The following MMP17 variants were observed in gnomAD, a reference collection of about 807,000 sequenced individuals.
MMP17 encodes the protein matrix metalloproteinase-17.
MMP17 carries 54 observed loss-of-function variants against 49.1 expected under a neutral mutation model. That is an observed-to-expected ratio of 1.10 (90% CI 0.88 to 1.38). The LOEUF (loss-of-function observed/expected upper bound fraction) is 1.38. MMP17 is among the 40% of genes most tolerant of loss of function. The pLI is 0.00. For synonymous variants in MMP17, 397 were observed against 383.1 expected (o/e 1.04, Z -0.42); for missense variants, 837 against 853.7 (o/e 0.98, Z 0.24).
At position 131,840,870 on chromosome 12, in the gene MMP17, A is replaced by T; in HGVS notation, c.706+14A>T. On this transcript the variant is annotated intron_variant, in intron 4 of 9. Coordinates refer to ENST00000360564, the MANE Select transcript of MMP17 (RefSeq NM_016155.7). ...TCCGCTCCTCGGGTGCGTCTGGGGCAGCCCTCAGGGCAGAGTCAGGAGCCC... is the reference window on the plus strand; with the variant it reads ...TCCGCTCCTCGGGTGCGTCTGGGGCTGCCCTCAGGGCAGAGTCAGGAGCCC... 6.3e-7 allele frequency: 1 copy of T among 1,578,888 alleles called. No individual in the cohort carries two copies. Among genetic ancestry groups the T allele is most frequent in the Non-Finnish European group, 8.6e-7 (1 of 1,163,620 alleles).
chr12:131,850,605 G>A (rs1187503598), intron 9 of MMP17, among the ~76,000 whole-genome samples: 1 of 152,090 alleles, frequency 6.6e-6, no homozygotes, highest in Admixed American at 6.6e-5. Flanking sequence ...GGGTCTCCTG[G>A]TCCATCCCCT....
rs766053605 is a variant in MMP17 at position 131,838,683 on chromosome 12, C to T, written c.364C>T (p.Arg122Cys). 14 of 1,607,916 alleles carry T rather than the reference C, an allele frequency of 8.7e-6. No homozygotes were observed. The highest frequency in any genetic ancestry group is 2.2e-5 in the East Asian group (1 of 44,706). The change falls in exon 3 of 10, where the codon CGC (arginine) becomes TGC (cysteine). Residue 122 changes from arginine (R) to cysteine (C), a missense_variant. By Grantham distance (180) the Arg-to-Cys change is radical (BLOSUM62 -3). Transcript: ENST00000360564. ...LPDLPVLTQA[R>C]RRRQAPAPTK... ...AGACCTCCCTGTCCTGACCCAGGCT[C>T]GCAGGAGACGCCAGGCTCCAGCCCC...
At chr12:131,839,008 G>C (rs1265849493) in intron 3 of MMP17, among the ~76,000 whole-genome samples, 1 of 152,190 alleles carries the variant, frequency 6.6e-6, no homozygotes, top group Non-Finnish European at 1.5e-5. Context: ...GCCTGCTGTA[G>C]ATATCCACAA....
Position 131,849,924 on chromosome 12 carries a change from A to G in MMP17, c.1327A>G (p.Thr443Ala). The G allele has an allele frequency of 6.2e-7, 1 of 1,613,974 alleles. No homozygotes were observed. The highest frequency in any genetic ancestry group is 8.5e-7 in the Non-Finnish European group (1 of 1,179,988). Reference protein sequence around the residue: ...AAFSWAHNDRTYFFKDQLYWR... With the variant: ...AAFSWAHNDRAYFFKDQLYWR... ...CTTCTCCTGGGCCCACAATGACAGGACTTATTTCTTTAAGGACCAGCTGTA... is the reference window on the plus strand; with the variant it reads ...CTTCTCCTGGGCCCACAATGACAGGGCTTATTTCTTTAAGGACCAGCTGTA... The change falls in exon 9 of 10, where the codon ACT becomes GCT. Residue 443 changes from threonine to alanine, a missense_variant. Physicochemically the swap from Thr to Ala is moderately conservative, Grantham distance 58. Transcript: ENST00000360564.
At chr12:131,836,246 G>C (rs534834127) in intron 1 of MMP17, among the ~76,000 whole-genome samples, 1 of 152,116 alleles carries the variant, frequency 6.6e-6, no homozygotes, top group Non-Finnish European at 1.5e-5. Context: ...GGGGGATCTC[G>C]GGGTGTGCAG....
At position 131,841,799 on chromosome 12, in the gene MMP17, C is replaced by T. The variant is rs199853887; in HGVS notation, c.882C>T (p.Tyr294=). The T allele has an allele frequency of 4.2e-5, 67 of 1,584,112 alleles. No individual in the cohort carries two copies. The Middle Eastern group carries it at 6.2e-4, about 15-fold the overall frequency. The change falls in exon 5 of 10, where the codon TAC becomes TAT. Residue 294 remains tyrosine (Y), a splice_region_variant and synonymous_variant. Coordinates refer to ENST00000360564, the MANE Select transcript of MMP17 (RefSeq NM_016155.7). ...YEDKVRVWQL[Y]GVRESVSPTA... ...ACAAGGTGCGCGTCTGGCAGCTGTA[C>T]GGTGAGTGTCTCCCCGAAGCCAGAC...
Position 131,840,601 on chromosome 12 carries a change from C to G in MMP17, c.451C>G (p.Leu151Val), listed in dbSNP as rs981770403. The G allele has an allele frequency of 1.2e-6, 2 of 1,600,930 alleles. No homozygotes were observed. The highest frequency in any genetic ancestry group is 2.7e-5 in the African/African-American group (2 of 74,802). ...CCGGACGTTCCCACGGGACTCACCA[C>G]TGGGGCACGACACGGTGCGTGCACT... Reference protein sequence around the residue: ...RVRTFPRDSPLGHDTVRALMY... With the variant: ...RVRTFPRDSPVGHDTVRALMY... The change falls in exon 4 of 10, where the codon CTG (leucine) becomes GTG (valine). Residue 151 changes from leucine (L) to valine (V), a missense_variant. Transcript: ENST00000360564.
In MMP17 at chr12:131,845,302, T is replaced by C. The variant is rs768975176; in HGVS notation, c.1057T>C (p.Tyr353His). Residue 353 changes from tyrosine (Y) to histidine (H), a missense_variant, in exon 8 of 10, where the codon TAC becomes CAC. Physicochemically the swap from Tyr to His is moderately conservative, Grantham distance 83 (BLOSUM62 2). Coordinates refer to ENST00000360564, the MANE Select transcript of MMP17 (RefSeq NM_016155.7). ...RGEAFFFKGKYFWRLTRDRHL... is the reference protein window; with the variant it reads ...RGEAFFFKGKHFWRLTRDRHL... ...CCTCCCCTCTGTGCCCCCAGGCAAG[T>C]ACTTCTGGCGGCTGACGCGGGACCG... is the stretch of plus-strand genomic sequence containing the variant. 1.2e-6 allele frequency: 2 copies of C among 1,608,846 alleles called. No individual in the cohort carries two copies. The highest frequency in any genetic ancestry group is 1.7e-6 in the Non-Finnish European group (2 of 1,176,294).
chr12:131,828,553 G>GGCTGCCGCT lies in MMP17; in HGVS notation c.62_70dup (p.Leu21_Leu23dup), dbSNP rs71072797. On this transcript the variant is annotated inframe_insertion, in exon 1 of 10. Transcript: ENST00000360564. The stretch of plus-strand genomic sequence containing the variant: ...CCGCCCCCAGGGCCCGGACTCTCGC[G>GGCTGCCGCT]GCTGCCGCTGCCGCTGCTGCTGCTG... 889,112 of 972,944 alleles carry GGCTGCCGCT rather than the reference G, an allele frequency of 0.91. 404,065 individuals carry two copies. Among genetic ancestry groups the GGCTGCCGCT allele is most frequent in the East Asian group, 0.95 (9,413 of 9,910 alleles). 60.3% of individuals were successfully genotyped at this position (972,944 alleles called of 1,614,324 possible).
intron 5 of MMP17, among the ~76,000 whole-genome samples, chr12:131,843,410 T>C (rs1887525311): frequency 6.6e-6 from 1 of 151,652 alleles, no homozygotes; most frequent in African/African-American, 2.4e-5. Flanking sequence ...CACACCTGGC[T>C]AATTTTTAGA....
At chr12:131,834,559 G>A (rs564025503) in intron 1 of MMP17, among the ~76,000 whole-genome samples, 85 of 152,166 alleles carry the variant, frequency 5.6e-4, no homozygotes, top group African/African-American at 2.0e-3. Context: ...GGGAGTCTGG[G>A]CCCCCACCCC....
At chr12:131,832,278 C>T (rs181391777) in intron 1 of MMP17, among the ~76,000 whole-genome samples, 5 of 21,872 alleles carry the variant, frequency 2.3e-4, no homozygotes, top group African/African-American at 8.1e-4. Context: ...CTGGGGGGGA[C>T]GGGAAGGGGG....
intron 5 of MMP17, among the ~76,000 whole-genome samples, chr12:131,842,114 A>C (rs1389402291): frequency 6.6e-6 from 1 of 152,226 alleles, no homozygotes; most frequent in Non-Finnish European, 1.5e-5. Context: ...CATATAAGGT[A>C]GGACTACTGT....
chr12:131,840,640 C>T lies in MMP17; in HGVS notation c.490C>T (p.Leu164Phe), dbSNP rs371160918. Residue 164 changes from leucine to phenylalanine, a missense_variant, in exon 4 of 10, where the codon CTC (leucine) becomes TTC (phenylalanine). Physicochemically the swap from Leu to Phe is conservative, Grantham distance 22. Coordinates refer to ENST00000360564, the MANE Select transcript of MMP17 (RefSeq NM_016155.7). ...DTVRALMYYA[L>F]KVWSDIAPLN... ...GGTGCGTGCACTCATGTACTACGCCCTCAAGGTCTGGAGCGACATTGCGCC... is the reference window on the plus strand; with the variant it reads ...GGTGCGTGCACTCATGTACTACGCCTTCAAGGTCTGGAGCGACATTGCGCC... The T allele has an allele frequency of 3.9e-5, 63 of 1,609,290 alleles. No individual in the cohort carries two copies. Among genetic ancestry groups the T allele is most frequent in the Non-Finnish European group, 5.2e-5 (61 of 1,179,950 alleles).
intron 1 of MMP17, among the ~76,000 whole-genome samples, chr12:131,833,743 G>A (rs1007560047): frequency 7.9e-5 from 12 of 152,222 alleles, no homozygotes; most frequent in East Asian, 1.9e-4. Flanking sequence ...GAGTATGGGG[G>A]TCGGGCCCTC....
chr12:131,843,408 G>C (rs1887525208), intron 5 of MMP17, among the ~76,000 whole-genome samples: 1 of 151,280 alleles, frequency 6.6e-6, no homozygotes, highest in African/African-American at 2.4e-5. Context: ...ATCACACCTG[G>C]CTAATTTTTA....
intron 5 of MMP17, among the ~76,000 whole-genome samples, chr12:131,843,258 A>ATG (rs1887515262): frequency 7.1e-6 from 1 of 140,732 alleles, no homozygotes; most frequent in Non-Finnish European, 1.5e-5. Context: ...GAGCCACCGC[A>ATG]CCTGGCCTCT....
intron 1 of MMP17, among the ~76,000 whole-genome samples, chr12:131,833,212 G>T (rs1401725789): frequency 7.2e-5 from 11 of 152,282 alleles, no homozygotes; most frequent in African/African-American, 2.7e-4. Flanking sequence ...CCCCAGCCTT[G>T]CAGTGCCTGA....
rs1348173032 is a variant in MMP17, at chr12:131,828,535, C to T, written c.41C>T (p.Pro14Leu). 2 of 990,220 alleles carry T rather than the reference C, an allele frequency of 2.0e-6. No individual in the cohort carries two copies. The highest frequency in any genetic ancestry group is 4.5e-5 in the South Asian group (1 of 21,984). 61.3% of individuals were successfully genotyped at this position (990,220 alleles called of 1,614,324 possible). ...RAARGPGPPP[P>L]GPGLSRLPLP... ...GCCCGGGGACCCGGCCCGCCGCCCC[C>T]AGGGCCCGGACTCTCGCGGCTGCCG... The change falls in exon 1 of 10, where the codon CCA becomes CTA. Residue 14 changes from proline (P) to leucine (L), a missense_variant. Transcript: ENST00000360564.
Sources: allele counts gnomAD v4.1 joint callset (sites outside exome capture counted in the v4.1 genomes callset), GRCh38; gene constraint gnomAD v4.1.1; transcripts MANE v1.5; gene names NCBI Gene and HGNC (gene_info 2026-07-23, HGNC 2026-07-21).